The following DIP2C variants were observed in gnomAD, a reference collection of about 807,000 sequenced individuals.
DIP2C encodes the protein DIP2 acetate--CoA ligase C (putative).
In DIP2C, 33 loss-of-function variants were observed where a neutral mutation model predicts 192.4. The ratio of observed to expected loss-of-function variants is 0.17; its 90% CI spans 0.13 to 0.23. DIP2C has a LOEUF of 0.23. Ranked by LOEUF, DIP2C falls within the 10% of genes least tolerant of loss-of-function variation. DIP2C has a pLI of 1.00. For synonymous variants in DIP2C, 979 were observed against 864.1 expected, an observed-to-expected ratio of 1.13 and a Z score of -2.33; for missense variants, 1,537 against 2,110.1, an observed-to-expected ratio of 0.73 and a Z score of 5.32.
intron 1 of DIP2C, among the ~76,000 whole-genome samples, chr10:553,807 G>C (rs11816200): frequency 0.035 from 5,259 of 151,998 alleles, 162 homozygotes; most frequent in African/African-American, 0.081. Flanking sequence ...GTAACTGTAA[G>C]AGTGGCGAAC....
chr10:378,634 GACATGCATAAAGAC>G (rs1475855933), intron 17 of DIP2C, among the ~76,000 whole-genome samples: 1 of 139,954 alleles, frequency 7.1e-6, no homozygotes, highest in Admixed American at 7.4e-5. Flanking sequence ...CACGAACACA[GACATGCATAAAGAC>G]ACACATGAAC....
intron 1 of DIP2C, among the ~76,000 whole-genome samples, chr10:546,938 T>G (rs1173045635): frequency 6.6e-6 from 1 of 152,220 alleles, no homozygotes; most frequent in African/African-American, 2.4e-5. Flanking sequence ...AGAATCAATT[T>G]GTTCATTTTT....
chr10:512,307 C>T (rs1846067686), intron 1 of DIP2C, among the ~76,000 whole-genome samples: 2 of 152,130 alleles, frequency 1.3e-5, no homozygotes, highest in Admixed American at 6.5e-5. Context: ...ACCTGTAATC[C>T]CAGCAGTTTG....
chr10:398,998 A>G, intron 10 of DIP2C, 111 bp downstream of exon 10: 2 of 913,450 alleles, frequency 2.2e-6, no homozygotes, highest in Non-Finnish European at 3.4e-6. Flanking sequence ...AGGCAACCGA[A>G]GGAAACCCAG....
intron 1 of DIP2C, among the ~76,000 whole-genome samples, chr10:683,353 G>A (rs1831198575): frequency 6.6e-6 from 1 of 152,260 alleles, no homozygotes; most frequent in Non-Finnish European, 1.5e-5. Context: ...AAAGGGCACT[G>A]TTTATGATCA....
At chr10:528,999 AC>A (rs1847222520) in intron 1 of DIP2C, among the ~76,000 whole-genome samples, 1 of 152,192 alleles carries the variant, frequency 6.6e-6, no homozygotes, top group Non-Finnish European at 1.5e-5. Context: ...GAGACACCTG[AC>A]GGGGATGGTG....
chr10:516,012 C>T (rs10751997), intron 1 of DIP2C, among the ~76,000 whole-genome samples: 68,040 of 150,790 alleles, frequency 0.45, 16,329 homozygotes, highest in East Asian at 0.66. Flanking sequence ...TCCTTGCTTT[C>T]GGGGTGAAGG....
At chr10:414,901 T>TAC (rs772095667) in intron 7 of DIP2C, among the ~76,000 whole-genome samples, 8 of 104,558 alleles carry the variant, frequency 7.7e-5, no homozygotes, top group Non-Finnish European at 1.5e-4. Flanking sequence ...TATATATATA[T>TAC]ATATATTTTT....
intron 1 of DIP2C, among the ~76,000 whole-genome samples, chr10:600,756 G>A (rs543255444): frequency 6.6e-6 from 1 of 152,356 alleles, no homozygotes; most frequent in African/African-American, 2.4e-5. Flanking sequence ...ACTATTCAGT[G>A]AGGTTGGAGG....
At chr10:381,933 A>G (rs561489733) in intron 17 of DIP2C, among the ~76,000 whole-genome samples, 66 of 152,306 alleles carry the variant, frequency 4.3e-4, no homozygotes, top group African/African-American at 1.6e-3. Flanking sequence ...GACAGCCGAC[A>G]CAACTTCTCT....
At position 385,218 on chromosome 10, in the gene DIP2C, G is replaced by A. The variant is rs138564708; in HGVS notation, c.1663-579C>T. Among the ~76,000 whole-genome samples the A allele has an allele frequency of 3.7e-3, 558 of 151,188 alleles. 1 individual carries two copies. The highest frequency in any genetic ancestry group is 4.8e-3 in the African/African-American group (196 of 41,214). On this transcript the variant is annotated intron_variant, in intron 14 of 36. Coordinates refer to ENST00000280886, the MANE Select transcript of DIP2C (RefSeq NM_014974.3). The stretch of plus-strand genomic sequence containing the variant: ...GGCTGCACAGGCCTGGAGGAGGAGC[G>A]GTCGCACAGGACCCTGGAGGCTCCT...
intron 1 of DIP2C, among the ~76,000 whole-genome samples, chr10:612,719 T>C (rs1455447708): frequency 6.6e-6 from 1 of 152,108 alleles, no homozygotes; most frequent in Non-Finnish European, 1.5e-5. Flanking sequence ...TCTAGAGAGC[T>C]CTGTGGCCCA....
chr10:581,451 T>TA (rs1850654330), intron 1 of DIP2C, among the ~76,000 whole-genome samples: 20 of 151,960 alleles, frequency 1.3e-4, no homozygotes, highest in Admixed American at 1.3e-3. Flanking sequence ...ATCAAAAATG[T>TA]ACTTAGAGGT....
chr10:387,920 T>C, intron 13 of DIP2C, 111 bp from the exon 14 acceptor site: 2 of 1,243,656 alleles, frequency 1.6e-6, no homozygotes, highest in African/African-American at 1.5e-5. Flanking sequence ...CTTGGGAAAA[T>C]ATCATTTTGC....
intron 3 of DIP2C, among the ~76,000 whole-genome samples, chr10:453,586 A>G (rs111381217): frequency 3.3e-5 from 5 of 152,324 alleles, no homozygotes; most frequent in African/African-American, 1.2e-4. Flanking sequence ...ACTTAGGGAG[A>G]GGCTAGGAAG....
At chr10:616,468 G>A (rs1311431760) in intron 1 of DIP2C, among the ~76,000 whole-genome samples, 1 of 152,206 alleles carries the variant, frequency 6.6e-6, no homozygotes, top group Non-Finnish European at 1.5e-5. Context: ...CATTTCCCAA[G>A]CCTGTCTCTG....
rs1021890368 is a variant in DIP2C, at chr10:423,170, G to C, written c.395-137C>G. The C allele has an allele frequency of 2.1e-5, 16 of 764,752 alleles. No homozygotes were observed. The African/African-American group carries it at 2.3e-4, about 11-fold the overall frequency. The allele number at this position is 764,752 out of a possible 1,614,324, so 47.4% of individuals were successfully genotyped here. A position where few individuals can be genotyped will look rare whatever the true frequency, so the allele number is the denominator to read the frequency against. On this transcript the variant is annotated intron_variant, in intron 4 of 36. Coordinates refer to ENST00000280886, the MANE Select transcript of DIP2C (RefSeq NM_014974.3). ...TGACTTTTTGATACACTCTTGAGAAGTTAAACCACGTTTCAGATAATAAAC... is the reference window on the plus strand; with the variant it reads ...TGACTTTTTGATACACTCTTGAGAACTTAAACCACGTTTCAGATAATAAAC...
chr10:612,324 A>G (rs547929958), intron 1 of DIP2C, among the ~76,000 whole-genome samples: 93 of 152,266 alleles, frequency 6.1e-4, no homozygotes, highest in African/African-American at 2.1e-3. Context: ...CACCCACTTA[A>G]TTCTTCACCG....
intron 10 of DIP2C, among the ~76,000 whole-genome samples, chr10:392,925 A>G (rs1032292653): frequency 1.3e-5 from 2 of 152,168 alleles, no homozygotes; most frequent in African/African-American, 4.8e-5. Context: ...CTCAACAAAG[A>G]AAGGGACCAG....
Sources: gnomAD v4.1 joint callset for allele counts (sites outside exome capture counted in the v4.1 genomes callset) on GRCh38, gnomAD v4.1.1 for gene constraint, MANE v1.5 for transcripts, NCBI Gene and HGNC (gene_info 2026-07-23, HGNC 2026-07-21) for gene names.